Variants in STEAP3 observed in about 807,000 individuals in gnomAD.
The protein encoded by STEAP3 is STEAP3 metalloreductase, also known as metalloreductase STEAP3.
STEAP3 carries 35 observed loss-of-function variants against 34.9 expected under a neutral mutation model. The observed-to-expected ratio is 1.00, with a 90% CI of 0.76 to 1.33. STEAP3 has a LOEUF of 1.33. Ranked by LOEUF, STEAP3 falls within the 40% of genes most tolerant of loss-of-function variation. The pLI is 0.00. For synonymous variants in STEAP3, 281 were observed against 301.6 expected (o/e 0.93, Z 0.71); for missense variants, 652 against 667.6 (o/e 0.98, Z 0.26).
At chr2:119,248,351 AC>A in intron 4 of STEAP3, 145 bp downstream of exon 4, 1 of 898,704 alleles carries the variant, frequency 1.1e-6, no homozygotes, top group Non-Finnish European at 1.6e-6. Flanking sequence ...ATGGGGCAGC[AC>A]CCACATCCTC....
intron 4 of STEAP3, among the ~76,000 whole-genome samples, chr2:119,253,352 G>T (rs1224504135): frequency 6.6e-6 from 1 of 152,184 alleles, no homozygotes; most frequent in African/African-American, 2.4e-5. Flanking sequence ...TGCAGGAAAA[G>T]CACTCAATGG....
intron 5 of STEAP3, among the ~76,000 whole-genome samples, chr2:119,258,444 C>A (rs968851440): frequency 6.6e-6 from 1 of 152,098 alleles, no homozygotes; most frequent in African/African-American, 2.4e-5. Flanking sequence ...CAGGTGAAGT[C>A]TCTCTGGTTT....
chr2:119,250,070 ACAGT>A (rs1443413293), intron 4 of STEAP3, among the ~76,000 whole-genome samples: 1 of 152,244 alleles, frequency 6.6e-6, no homozygotes, highest in Non-Finnish European at 1.5e-5. Flanking sequence ...CCAAAGTCAC[ACAGT>A]CAGTAAGTAG....
intron 2 of STEAP3, among the ~76,000 whole-genome samples, chr2:119,242,355 G>A (rs889444625): frequency 1.3e-5 from 2 of 152,228 alleles, no homozygotes; most frequent in African/African-American, 4.8e-5. Flanking sequence ...ACAGGCCTGG[G>A]TGTATCTGTC....
intron 2 of STEAP3, among the ~76,000 whole-genome samples, chr2:119,239,907 T>C (rs1464690156): frequency 6.6e-6 from 1 of 152,220 alleles, no homozygotes; most frequent in Admixed American, 6.5e-5. Flanking sequence ...TTATACCACA[T>C]ACAACGTTAT....
intron 5 of STEAP3, among the ~76,000 whole-genome samples, chr2:119,259,786 C>A (rs1340659456): frequency 6.6e-6 from 1 of 152,194 alleles, no homozygotes; most frequent in African/African-American, 2.4e-5. Flanking sequence ...GGATGGGCTC[C>A]CATTGCTGCA....
chr2:119,234,980 T>C (rs952743662), intron 2 of STEAP3, among the ~76,000 whole-genome samples: 1 of 152,216 alleles, frequency 6.6e-6, no homozygotes, highest in Non-Finnish European at 1.5e-5. Context: ...TGTCAAAGCA[T>C]GCTAGTGAGA....
chr2:119,245,846 C>G lies in STEAP3; in HGVS notation c.380C>G (p.Pro127Arg). The change falls in exon 3 of 6, where the codon CCT (proline) becomes CGT (arginine). Residue 127 changes from proline to arginine, a missense_variant. Transcript: ENST00000393110. The stretch of plus-strand genomic sequence containing the variant: ...AAGATCCTGGTGGATGTGAGCAACC[C>G]TACAGAGCAAGAGCACCTTCAGCAT... ...AGKILVDVSN[P>R]TEQEHLQHRE... The G allele has an allele frequency of 1.2e-6, 2 of 1,614,162 alleles. No homozygotes were observed. The highest frequency in any genetic ancestry group is 1.7e-6 in the Non-Finnish European group (2 of 1,180,034).
rs772740148 is a variant in STEAP3, at chr2:119,263,121, G to A, written c.1280G>A (p.Arg427His). The A allele has an allele frequency of 1.2e-5, 20 of 1,612,922 alleles. No individual in the cohort carries two copies. The highest frequency in any genetic ancestry group is 4.4e-5 in the South Asian group (4 of 91,074). ...TLHTLTYGWT[R>H]AFEESRYKFY... The stretch of plus-strand genomic sequence containing the variant: ...CACACGCTCACCTACGGCTGGACCC[G>A]CGCCTTCGAGGAGAGCCGCTACAAG... Residue 427 changes from arginine (R) to histidine (H), a missense_variant, in exon 6 of 6, where the codon CGC (arginine) becomes CAC (histidine). By Grantham distance (29) the Arg-to-His change is conservative. Transcript: ENST00000393110.
chr2:119,257,815 G>A, intron 5 of STEAP3: 2 of 1,088,068 alleles, frequency 1.8e-6, no homozygotes, highest in Non-Finnish European at 2.4e-6. Context: ...GTTCTTGAGG[G>A]GCCTTGGCTG....
intron 5 of STEAP3, among the ~76,000 whole-genome samples, chr2:119,262,144 G>A (rs1009193607): frequency 6.6e-6 from 1 of 152,118 alleles, no homozygotes; most frequent in Non-Finnish European, 1.5e-5. Flanking sequence ...CTTCGCTACT[G>A]GTGCCAAATC....
chr2:119,229,827 G>A (rs1310204706), intron 1 of STEAP3, among the ~76,000 whole-genome samples: 1 of 152,036 alleles, frequency 6.6e-6, no homozygotes, highest in Non-Finnish European at 1.5e-5. Context: ...AGTGGGCAGG[G>A]ACTGGAAGGA....
chr2:119,224,365 T>G (rs1055301938), intron 1 of STEAP3, among the ~76,000 whole-genome samples: 3 of 152,088 alleles, frequency 2.0e-5, no homozygotes, highest in African/African-American at 7.2e-5. Context: ...CAGGGGCAGG[T>G]GCAGGGGCTG....
At chr2:119,242,179 G>A (rs528320020) in intron 2 of STEAP3, among the ~76,000 whole-genome samples, 2 of 152,330 alleles carry the variant, frequency 1.3e-5, no homozygotes, top group African/African-American at 4.8e-5. Flanking sequence ...AGGCAGCGGG[G>A]AGAGGGCAGA....
intron 2 of STEAP3, among the ~76,000 whole-genome samples, chr2:119,236,371 C>T (rs574698491): frequency 3.3e-5 from 5 of 152,166 alleles, no homozygotes; most frequent in African/African-American, 7.2e-5. Context: ...TTGGCCGGGC[C>T]GCCAGCTAGC....
intron 5 of STEAP3, among the ~76,000 whole-genome samples, chr2:119,257,198 T>C (rs569665726): frequency 6.6e-6 from 1 of 152,330 alleles, no homozygotes; most frequent in East Asian, 1.9e-4. Flanking sequence ...GTGTTTTGCA[T>C]GGTGTCGGGA....
At chr2:119,248,350 C>A in intron 4 of STEAP3, 144 bp downstream of exon 4, 1 of 894,694 alleles carries the variant, frequency 1.1e-6, no homozygotes, top group Non-Finnish European at 1.7e-6. Context: ...AATGGGGCAG[C>A]ACCCACATCC....
At chr2:119,238,948 T>C (rs1677164470) in intron 2 of STEAP3, among the ~76,000 whole-genome samples, 1 of 152,048 alleles carries the variant, frequency 6.6e-6, no homozygotes, top group African/African-American at 2.4e-5. Flanking sequence ...ACAGCAATCT[T>C]GCCCTCCCAA....
At chr2:119,236,910 C>G (rs558691080) in intron 2 of STEAP3, among the ~76,000 whole-genome samples, 1 of 152,224 alleles carries the variant, frequency 6.6e-6, no homozygotes, top group South Asian at 2.1e-4. Flanking sequence ...TGAGCAAAGG[C>G]CAAGAGAACA....
Sources: allele counts gnomAD v4.1 joint callset (sites outside exome capture counted in the v4.1 genomes callset), GRCh38; gene constraint gnomAD v4.1.1; transcripts MANE v1.5; gene names NCBI Gene and HGNC (gene_info 2026-07-23, HGNC 2026-07-21).